Variants in ACAP2 observed in about 807,000 individuals in gnomAD.
ACAP2 encodes arf-GAP with coiled-coil, ANK repeat and PH domain-containing protein 2.
Under a neutral mutation model 115.8 loss-of-function variants are expected in ACAP2, and 39 were observed. The ratio of observed to expected loss-of-function variants is 0.34; its 90% CI spans 0.26 to 0.44. The LOEUF is 0.44. Ranked by LOEUF, ACAP2 falls within the 20% of genes least tolerant of loss-of-function variation. The pLI is 1.00. For synonymous variants in ACAP2, 289 were observed against 315.8 expected (o/e 0.92, Z 0.90); for missense variants, 662 against 927.6 (o/e 0.71, Z 3.72).
At chr3:195,306,165 T>C (rs1728407002) in intron 13 of ACAP2, among the ~76,000 whole-genome samples, 1 of 152,212 alleles carries the variant, frequency 6.6e-6, no homozygotes, top group Non-Finnish European at 1.5e-5. Flanking sequence ...TTCCCTTTTT[T>C]GCTTTCATTC....
chr3:195,316,195 T>G (rs974787455), intron 10 of ACAP2, among the ~76,000 whole-genome samples: 1 of 147,734 alleles, frequency 6.8e-6, no homozygotes, highest in South Asian at 2.1e-4. Flanking sequence ...TCAAGCTGGG[T>G]TTTTTTTGTT....
chr3:195,281,399 C>T (rs1374587147), intron 22 of ACAP2, among the ~76,000 whole-genome samples: 4 of 151,310 alleles, frequency 2.6e-5, no homozygotes, highest in South Asian at 2.1e-4. Flanking sequence ...AGCGAGACTC[C>T]GCCTCAAAAA....
chr3:195,416,167 G>A (rs573731388), intron 1 of ACAP2, among the ~76,000 whole-genome samples: 5 of 152,242 alleles, frequency 3.3e-5, no homozygotes, highest in Admixed American at 1.3e-4. Flanking sequence ...CTAACACGGT[G>A]AAACCCTGTC....
At chr3:195,354,084 C>G (rs1731791933) in intron 4 of ACAP2, among the ~76,000 whole-genome samples, 1 of 152,192 alleles carries the variant, frequency 6.6e-6, no homozygotes, top group South Asian at 2.1e-4. Flanking sequence ...TAAATGAGAA[C>G]ATGTGGTATT....
At chr3:195,438,029 C>T (rs67766906) in intron 1 of ACAP2, among the ~76,000 whole-genome samples, 32,356 of 102,904 alleles carry the variant, frequency 0.31, 4,452 homozygotes, top group East Asian at 0.71. Context: ...CAAGAATTTT[C>T]TTTTTTTTTT....
At chr3:195,344,420 A>G (rs1452895918) in intron 5 of ACAP2, among the ~76,000 whole-genome samples, 1 of 152,222 alleles carries the variant, frequency 6.6e-6, no homozygotes, top group African/African-American at 2.4e-5. Context: ...TGAAAAAGAA[A>G]AACTTTCCTA....
At chr3:195,372,239 G>A (rs1733200965) in intron 4 of ACAP2, among the ~76,000 whole-genome samples, 1 of 152,158 alleles carries the variant, frequency 6.6e-6, no homozygotes. Flanking sequence ...AATTTCCAAA[G>A]CAGAACAAGA....
At chr3:195,399,536 A>C (rs960580667) in intron 1 of ACAP2, among the ~76,000 whole-genome samples, 1 of 151,998 alleles carries the variant, frequency 6.6e-6, no homozygotes, top group Non-Finnish European at 1.5e-5. Flanking sequence ...AGCAAGCCCC[A>C]TTATATTTCT....
At chr3:195,374,669 G>A (rs536620824) in intron 4 of ACAP2, among the ~76,000 whole-genome samples, 1 of 152,194 alleles carries the variant, frequency 6.6e-6, no homozygotes, top group Non-Finnish European at 1.5e-5. Context: ...TTTAAATCTT[G>A]ATCAGGAATT....
chr3:195,324,253 T>C (rs1729631956), intron 9 of ACAP2, among the ~76,000 whole-genome samples: 1 of 152,130 alleles, frequency 6.6e-6, no homozygotes, highest in Non-Finnish European at 1.5e-5. Flanking sequence ...AGCATAGTAT[T>C]GACAGTTTAG....
chr3:195,307,363 G>T, intron 11 of ACAP2, 40 bp from the exon 12 acceptor site: 1 of 1,260,416 alleles, frequency 7.9e-7, no homozygotes, highest in Non-Finnish European at 1.1e-6. Context: ...TTTCCACTTA[G>T]GTTTTAATAC....
rs1726159806 is a variant in ACAP2 at position 195,275,546 on chromosome 3, T to C, written c.*3782A>G. On this transcript the variant is annotated 3_prime_UTR_variant, in exon 23 of 23. Coordinates refer to ENST00000326793, the MANE Select transcript of ACAP2 (RefSeq NM_012287.6). ...TTTGTTATCAAAGCACAAGGAAAGC[T>C]GGCATTCATTATCAGACTTCGCTGC... is the stretch of plus-strand genomic sequence containing the variant. 6.6e-6 allele frequency: 1 copy of C among 152,244 alleles called. No homozygotes were observed. Among genetic ancestry groups the C allele is most frequent in the Non-Finnish European group, 1.5e-5 (1 of 68,054 alleles). The allele number at this position is 152,244 out of a possible 1,614,324, so 9.4% of individuals were successfully genotyped here. A position where few individuals can be genotyped will look rare whatever the true frequency, so the allele number is the denominator to read the frequency against.
chr3:195,297,237 T>G lies in ACAP2; in HGVS notation c.1440A>C (p.Glu480Asp). Residue 480 changes from glutamate (E) to aspartate (D), a missense_variant, in exon 16 of 23, where the codon GAA becomes GAC. Physicochemically the swap from Glu to Asp is conservative, Grantham distance 45. Around this residue, in one of 3 missense-constraint regions of ACAP2, gnomAD observed 401 missense variants for 604.4 expected, o/e 0.66. Transcript: ENST00000326793. ...LGNDVINRVY[E>D]ANVEKMGIKK... ...TTATTCCCATTTTTTCCACATTAGC[T>G]TCATAAACTCGATTTATAACATCAT... 6.2e-7 allele frequency: 1 copy of G among 1,613,236 alleles called. No homozygotes were observed. Among genetic ancestry groups the G allele is most frequent in the Admixed American group, 1.7e-5 (1 of 60,010 alleles).
At chr3:195,298,173 G>T (rs1727776820) in intron 15 of ACAP2, among the ~76,000 whole-genome samples, 1 of 151,976 alleles carries the variant, frequency 6.6e-6, no homozygotes, top group Non-Finnish European at 1.5e-5. Flanking sequence ...GGATTACAAT[G>T]CTCTCTGGAC....
chr3:195,283,638 AAAAG>A (rs1245664009), intron 22 of ACAP2, among the ~76,000 whole-genome samples: 1 of 152,226 alleles, frequency 6.6e-6, no homozygotes, highest in Non-Finnish European at 1.5e-5. Context: ...CTCATAAAGA[AAAAG>A]AACAGAAACC....
intron 1 of ACAP2, among the ~76,000 whole-genome samples, chr3:195,414,271 T>C (rs1278997683): frequency 6.6e-6 from 1 of 152,128 alleles, no homozygotes; most frequent in Non-Finnish European, 1.5e-5. Flanking sequence ...AAAAAAGAAA[T>C]ACATACTTTT....
chr3:195,277,234 T>C lies in ACAP2; in HGVS notation c.*2094A>G, dbSNP rs1388989632. On this transcript the variant is annotated 3_prime_UTR_variant, in exon 23 of 23. Transcript: ENST00000326793. ...ACTATAAAGGAAAAGTGAGGTTTTTTCTTTTTCTTTAACGTACTTCTTTTC... is the reference window on the plus strand; with the variant it reads ...ACTATAAAGGAAAAGTGAGGTTTTTCCTTTTTCTTTAACGTACTTCTTTTC... The C allele has an allele frequency of 6.6e-6, 1 of 152,234 alleles. No individual in the cohort carries two copies. Among genetic ancestry groups the C allele is most frequent in the African/African-American group, 2.4e-5 (1 of 41,464 alleles). 9.4% of individuals were successfully genotyped at this position (152,234 alleles called of 1,614,324 possible). A position where few individuals can be genotyped will look rare whatever the true frequency, so the allele number is the denominator to read the frequency against.
chr3:195,366,017 T>C (rs1732697678), intron 4 of ACAP2, among the ~76,000 whole-genome samples: 1 of 152,096 alleles, frequency 6.6e-6, no homozygotes, highest in African/African-American at 2.4e-5. Context: ...AATTTTTGTA[T>C]TTTTAGTAGA....
intron 22 of ACAP2, 24 bp downstream of exon 22, chr3:195,285,772 T>TA: frequency 6.4e-7 from 1 of 1,574,164 alleles, no homozygotes; most frequent in Non-Finnish European, 8.7e-7. Flanking sequence ...TGCATTTCAG[T>TA]ATGGTTATTA....
Sources: allele counts gnomAD v4.1 joint callset (sites outside exome capture counted in the v4.1 genomes callset), GRCh38; gene constraint gnomAD v4.1.1; regional missense constraint gnomAD v4.1.1; transcripts MANE v1.5; gene names NCBI Gene and HGNC (gene_info 2026-07-23, HGNC 2026-07-21).